The following SEC61A2 variants were observed in gnomAD, a reference collection of about 807,000 sequenced individuals.
SEC61A2 encodes SEC61 translocon subunit alpha 2, also known as protein transport protein Sec61 subunit alpha isoform 2.
In SEC61A2, 28 loss-of-function variants were observed where a neutral mutation model predicts 59.9. The ratio of observed to expected loss-of-function variants is 0.47; its 90% CI spans 0.35 to 0.64. The LOEUF (loss-of-function observed/expected upper bound fraction) is 0.64. Among genes scored for constraint, SEC61A2 ranks in the 30% least tolerant of loss-of-function variants. SEC61A2 has a pLI of 0.01. For synonymous variants in SEC61A2, 202 were observed against 214.4 expected, an observed-to-expected ratio of 0.94 and a Z score of 0.50; for missense variants, 340 against 585.9, an observed-to-expected ratio of 0.58 and a Z score of 4.33.
Position 12,162,113 on chromosome 10 carries a change from G to A in SEC61A2, c.1168-100G>A, listed in dbSNP as rs1834543858. ...CAATGCAACTTTCAGGTTATTGTAT[G>A]TTACGTGTTAGTGTGTGGCGAGCAC... On this transcript the variant is annotated intron_variant, in intron 10 of 11. Transcript: ENST00000298428. This position sits in a 1 kb window ranked among gnomAD's most constrained non-coding sequence, Gnocchi z 6.1. 9 of 875,188 alleles carry A rather than the reference G, an allele frequency of 1.0e-5. No homozygotes were observed. In the East Asian group the frequency reaches 1.5e-4, roughly 14 times the overall value. 54.2% of individuals were successfully genotyped at this position (875,188 alleles called of 1,614,324 possible).
In SEC61A2 at chr10:12,158,963, C is replaced by A. The variant is rs1834468635; in HGVS notation, c.975+858C>A. Among the ~76,000 whole-genome samples the A allele has an allele frequency of 6.6e-6, 1 of 151,826 alleles. No individual in the cohort carries two copies. Among genetic ancestry groups the A allele is most frequent in the Non-Finnish European group, 1.5e-5 (1 of 67,948 alleles). ...TCCTATACATTCTCATATACATCCC[C>A]CATCATAATTTTTTTTTCTTTTTTT... On this transcript the variant is annotated intron_variant, in intron 9 of 11. Coordinates refer to ENST00000298428, the MANE Select transcript of SEC61A2 (RefSeq NM_018144.4). The surrounding 1 kb of genome is among the most constrained non-coding windows in gnomAD (Gnocchi z 5.7).
intron 1 of SEC61A2, 27 bp from the exon 2 acceptor site, chr10:12,133,214 G>C: frequency 1.8e-6 from 2 of 1,094,912 alleles, no homozygotes; most frequent in Admixed American, 2.0e-5. Context: ...ATAATAATAG[G>C]AACATTTATT....
Position 12,160,195 on chromosome 10 carries a change from A to G in SEC61A2, c.976-735A>G, listed in dbSNP as rs968791888. On this transcript the variant is annotated intron_variant, in intron 9 of 11. Transcript: ENST00000298428. The surrounding 1 kb of genome is among the most constrained non-coding windows in gnomAD (Gnocchi z 4.1). Reference sequence around the variant, plus strand: ...ACAATTTGTGTTATGATTTTGAGTAAGATTCTTCTGAATGAGAGAATGATT... The same window carrying G: ...ACAATTTGTGTTATGATTTTGAGTAGGATTCTTCTGAATGAGAGAATGATT... 6.6e-6 allele frequency among the ~76,000 whole-genome samples: 1 copy of G among 152,184 alleles called. No individual in the cohort carries two copies. The highest frequency in any genetic ancestry group is 2.4e-5 in the African/African-American group (1 of 41,444).
chr10:12,156,792 G>T lies in SEC61A2; in HGVS notation c.617-115G>T. 1.0e-6 allele frequency: 1 copy of T among 965,814 alleles called. No individual in the cohort carries two copies. Among genetic ancestry groups the T allele is most frequent in the Non-Finnish European group, 1.6e-6 (1 of 638,430 alleles). 59.8% of individuals were successfully genotyped at this position (965,814 alleles called of 1,614,324 possible). On this transcript the variant is annotated intron_variant, in intron 7 of 11. Transcript: ENST00000298428. The surrounding 1 kb of genome is among the most constrained non-coding windows in gnomAD (Gnocchi z 5.2). ...GCTATATCATAAAGCAAACATTGGC[G>T]AATTCTTTTGACCCATATTTTCTGC...
In SEC61A2 at chr10:12,152,156, T is replaced by C. The variant is rs192750601; in HGVS notation, c.462+2195T>C. ...TAAAGTGCAGTGGTGCAATCTTGGC[T>C]CACTGCAACCTCCGCCTCCCAGGTT... On this transcript the variant is annotated intron_variant, in intron 6 of 11. Coordinates refer to ENST00000298428, the MANE Select transcript of SEC61A2 (RefSeq NM_018144.4). This position sits in a 1 kb window ranked among gnomAD's most constrained non-coding sequence, Gnocchi z 5.5. Among the ~76,000 whole-genome samples, 9 of 151,398 alleles carry C rather than the reference T, an allele frequency of 5.9e-5. No homozygotes were observed. The highest frequency in any genetic ancestry group is 1.7e-4 in the African/African-American group (7 of 41,062).
At chr10:12,165,460 T>C, downstream of SEC61A2, 3 of 661,956 alleles carry the variant, frequency 4.5e-6, no homozygotes, top group Non-Finnish European at 5.6e-6. Context: ...AAGTCCACCC[T>C]GAGATGCCTG....
chr10:12,147,681 TA>T (rs59902031), intron 4 of SEC61A2, among the ~76,000 whole-genome samples: 1,882 of 125,072 alleles, frequency 0.015, 10 homozygotes, highest in African/African-American at 0.025. Flanking sequence ...AGACTCTGTC[TA>T]AAAAAAAAAA....
In SEC61A2 at chr10:12,149,981, C is replaced by T; in HGVS notation, c.462+20C>T. On this transcript the variant is annotated intron_variant, in intron 6 of 11. Transcript: ENST00000298428. This position sits in a 1 kb window ranked among gnomAD's most constrained non-coding sequence, Gnocchi z 5.2. ...ATTCAGGTAAGAAATCCTATATTTT[C>T]CTATGCAGATAACAAAACAGTTTGA... 6.6e-7 allele frequency: 1 copy of T among 1,509,486 alleles called. No individual in the cohort carries two copies. The highest frequency in any genetic ancestry group is 9.2e-7 in the Non-Finnish European group (1 of 1,085,232). 93.5% of individuals were successfully genotyped at this position (1,509,486 alleles called of 1,614,324 possible). A position where few individuals can be genotyped will look rare whatever the true frequency, so the allele number is the denominator to read the frequency against.
intron 2 of SEC61A2, among the ~76,000 whole-genome samples, chr10:12,135,341 ATATT>A (rs2131645065): frequency 6.6e-6 from 1 of 152,314 alleles, no homozygotes; most frequent in African/African-American, 2.4e-5. Context: ...TAAAATAAAA[ATATT>A]TAAGGTAAAA....
At chr10:12,157,402 C>T (rs1479534564) in intron 8 of SEC61A2, among the ~76,000 whole-genome samples, 1 of 151,850 alleles carries the variant, frequency 6.6e-6, no homozygotes, top group East Asian at 1.9e-4. Flanking sequence ...GTGGCGCGAT[C>T]TTAGCTCACT....
chr10:12,134,850 T>C lies in SEC61A2; in HGVS notation c.76-1255T>C, dbSNP rs568797525. ...GGAGAATCGCTTGAACCTGGGGTGG[T>C]AGAGGTTGCAGTGAGCCGAGACTGC... On this transcript the variant is annotated intron_variant, in intron 2 of 11. Coordinates refer to ENST00000298428, the MANE Select transcript of SEC61A2 (RefSeq NM_018144.4). Among the ~76,000 whole-genome samples the C allele has an allele frequency of 2.1e-4, 31 of 150,012 alleles. 1 individual carries two copies. The highest frequency in any genetic ancestry group is 6.9e-3 in the Middle Eastern group (2 of 288).
downstream of SEC61A2, chr10:12,169,760 C>A: frequency 4.2e-6 from 1 of 239,972 alleles, no homozygotes; most frequent in Non-Finnish European, 7.9e-6. This position sits in a 1 kb window ranked among gnomAD's most constrained non-coding sequence, Gnocchi z 4.8. Flanking sequence ...AAACAACAGA[C>A]AATTCAAAAC....
chr10:12,134,174 T>A (rs191743693), intron 2 of SEC61A2, among the ~76,000 whole-genome samples: 6,449 of 152,034 alleles, frequency 0.042, 123 homozygotes, highest in Non-Finnish European at 0.068. Flanking sequence ...GCCCGGCTAA[T>A]TTTTTTGTAT....
intron 3 of SEC61A2, among the ~76,000 whole-genome samples, chr10:12,136,890 A>G (rs1166500051): frequency 1.3e-5 from 2 of 151,944 alleles, no homozygotes; most frequent in East Asian, 3.9e-4. Flanking sequence ...TCAGCCTCCC[A>G]AAGTGTTGGT....
At chr10:12,166,025 T>G (rs757764271), downstream of SEC61A2, 3 of 152,264 alleles carry the variant, frequency 2.0e-5, no homozygotes, top group African/African-American at 4.8e-5. Flanking sequence ...GACTGCCAGT[T>G]CTCAAACAGA....
At chr10:12,136,783 C>G (rs896761122) in intron 3 of SEC61A2, among the ~76,000 whole-genome samples, 5 of 152,096 alleles carry the variant, frequency 3.3e-5, no homozygotes, top group African/African-American at 1.2e-4. Context: ...GTGCATGCCA[C>G]CAAGCTCAGC....
At position 12,162,398 on chromosome 10, in the gene SEC61A2, C is replaced by A; in HGVS notation, c.1244+109C>A. ...AGTTCATATTTAAAACCCTTCTATTCACACAGATGAATCAAAATTTCACAC... is the reference window on the plus strand; with the variant it reads ...AGTTCATATTTAAAACCCTTCTATTAACACAGATGAATCAAAATTTCACAC... On this transcript the variant is annotated intron_variant, in intron 11 of 11. Transcript: ENST00000298428. This position sits in a 1 kb window ranked among gnomAD's most constrained non-coding sequence, Gnocchi z 6.1. 3.1e-6 allele frequency: 3 copies of A among 953,234 alleles called. No individual in the cohort carries two copies. Among genetic ancestry groups the A allele is most frequent in the South Asian group, 1.3e-5 (1 of 77,350 alleles). The allele number at this position is 953,234 out of a possible 1,614,324, so 59.0% of individuals were successfully genotyped here.
downstream of SEC61A2, chr10:12,166,475 A>AG (rs1303679367): frequency 4.1e-6 from 1 of 246,376 alleles, no homozygotes; most frequent in African/African-American, 2.3e-5. Context: ...TTTTATCTTT[A>AG]GGAAGTCCAG....
At chr10:12,147,286 T>C (rs1588637153) in intron 4 of SEC61A2, among the ~76,000 whole-genome samples, 1 of 152,256 alleles carries the variant, frequency 6.6e-6, no homozygotes, top group African/African-American at 2.4e-5. Flanking sequence ...TTGTGGCTTC[T>C]AGATTTTTTG....
Sources: allele counts gnomAD v4.1 joint callset (sites outside exome capture counted in the v4.1 genomes callset), GRCh38; gene constraint gnomAD v4.1.1; non-coding constraint Gnocchi (gnomAD v3.1); transcripts MANE v1.5; gene names NCBI Gene and HGNC (gene_info 2026-07-23, HGNC 2026-07-21).